P2RX7: variants seen among roughly 807,000 people sequenced by gnomAD.
P2RX7 encodes the protein purinergic receptor P2X 7, also known as P2X purinoceptor 7.
In P2RX7, 62 loss-of-function variants were observed where a neutral mutation model predicts 71.6. The ratio of observed to expected loss-of-function variants is 0.87; its 90% CI spans 0.71 to 1.07. The LOEUF is 1.07. Ranked by LOEUF, P2RX7 falls within the 50% of genes least tolerant of loss-of-function variation. The pLI is 0.00. For missense variants in P2RX7, 686 were observed against 748.5 expected (o/e 0.92, Z 0.97); for synonymous variants, 299 against 283.3 (o/e 1.06, Z -0.56).
At chr12:121,179,157 C>A (rs901902593) in intron 11 of P2RX7, among the ~76,000 whole-genome samples, 1 of 152,062 alleles carries the variant, frequency 6.6e-6, no homozygotes, top group East Asian at 1.9e-4. Context: ...AGGTCCTCTG[C>A]GTTCAACTCC....
chr12:121,166,332 A>T (rs208309), intron 7 of P2RX7, 145 bp downstream of exon 7: 230,621 of 801,612 alleles, frequency 0.29, 35,458 homozygotes, highest in South Asian at 0.34. Context: ...TACGCTAAGG[A>T]CTTTACCTAC....
intron 3 of P2RX7, among the ~76,000 whole-genome samples, chr12:121,159,440 A>G (rs796758564): frequency 2.1e-4 from 31 of 148,990 alleles, no homozygotes; most frequent in African/African-American, 7.6e-4. Context: ...AAAAAAAAAA[A>G]GACAAATCTG....
chr12:121,140,332 G>T (rs1874589861), intron 1 of P2RX7, among the ~76,000 whole-genome samples: 1 of 152,196 alleles, frequency 6.6e-6, no homozygotes, highest in African/African-American at 2.4e-5. Flanking sequence ...TTGATTTTCA[G>T]TGCATGGGAA....
At position 121,160,883 on chromosome 12, in the gene P2RX7, G is replaced by T. The variant is rs745474845; in HGVS notation, c.364-19G>T. On this transcript the variant is annotated intron_variant, in intron 3 of 12. Transcript: ENST00000328963. The stretch of plus-strand genomic sequence containing the variant: ...ACACACGTCACTTACTCCCCACTCT[G>T]TCATCCTTCTATCTGCAGTATCCCA... 1 of 1,601,086 alleles carries T rather than the reference G, an allele frequency of 6.2e-7. No homozygotes were observed. The highest frequency in any genetic ancestry group is 8.6e-7 in the Non-Finnish European group (1 of 1,168,150).
At position 121,177,183 on chromosome 12, in the gene P2RX7, A is replaced by G. The variant is rs201823575; in HGVS notation, c.1009A>G (p.Ile337Val). 1.1e-5 allele frequency: 18 copies of G among 1,614,114 alleles called. No homozygotes were observed. The highest frequency in any genetic ancestry group is 1.4e-5 in the Non-Finnish European group (16 of 1,180,056). Residue 337 changes from isoleucine (I) to valine (V), a missense_variant, in exon 10 of 13, where the codon ATC becomes GTC. By Grantham distance (29) the Ile-to-Val change is conservative. Coordinates refer to ENST00000328963, the MANE Select transcript of P2RX7 (RefSeq NM_002562.6). ...TGACATTATCCAGCTGGTTGTGTACATCGGCTCAACCCTCTCCTACTTCGG... is the reference window on the plus strand; with the variant it reads ...TGACATTATCCAGCTGGTTGTGTACGTCGGCTCAACCCTCTCCTACTTCGG... ...KFDIIQLVVYIGSTLSYFGLA... is the reference protein window; with the variant it reads ...KFDIIQLVVYVGSTLSYFGLA...
At chr12:121,175,276 A>C in intron 8 of P2RX7, 112 bp from the exon 9 acceptor site, 1 of 592,142 alleles carries the variant, frequency 1.7e-6, no homozygotes, top group Non-Finnish European at 3.0e-6. Context: ...CTGCTACTGC[A>C]CTCCAGCCTG....
chr12:121,158,441 G>A (rs764683270), intron 3 of P2RX7, among the ~76,000 whole-genome samples: 9 of 152,128 alleles, frequency 5.9e-5, no homozygotes, highest in South Asian at 2.1e-4. Flanking sequence ...AGGTCTGTCC[G>A]CATTGTCTCT....
rs1171595410 is a variant in P2RX7, at chr12:121,174,227, TAGTAGAGA to T, written c.882-1160_882-1153del. On this transcript the variant is annotated intron_variant, in intron 8 of 12. Transcript: ENST00000328963. ...CATGCACGGCTAATTTTTGTATTTT[TAGTAGAGA>T]TGGGGTTTCACCATGTTGTCCGGGC... 3.3e-5 allele frequency among the ~76,000 whole-genome samples: 5 copies of T among 152,010 alleles called. No homozygotes were observed. In the South Asian group the frequency reaches 8.3e-4, roughly 25 times the overall value.
intron 1 of P2RX7, among the ~76,000 whole-genome samples, chr12:121,150,691 C>G (rs946867878): frequency 2.6e-5 from 4 of 152,182 alleles, no homozygotes. Context: ...GGTGGATCAC[C>G]TGAGGTCAGG....
At chr12:121,181,340 C>T (rs546830049) in intron 12 of P2RX7, among the ~76,000 whole-genome samples, 1 of 152,294 alleles carries the variant, frequency 6.6e-6, no homozygotes, top group East Asian at 1.9e-4. Flanking sequence ...CAGTTTGGGG[C>T]TAATGCCAAT....
chr12:121,138,986 G>A (rs1342100767), intron 1 of P2RX7, among the ~76,000 whole-genome samples: 1 of 152,216 alleles, frequency 6.6e-6, no homozygotes, highest in African/African-American at 2.4e-5. Context: ...TGGTTACCGA[G>A]ACTGGAGTGC....
rs961504994 is a variant in P2RX7 at position 121,176,561 on chromosome 12, G to A, written c.973-586G>A. On this transcript the variant is annotated intron_variant, in intron 9 of 12. Coordinates refer to ENST00000328963, the MANE Select transcript of P2RX7 (RefSeq NM_002562.6). ...AGGTCAGGAGCTCAAGACCAGCCTG[G>A]CCAACATGGTGAAACCCTGTCTCTA... is the stretch of plus-strand genomic sequence containing the variant. 8.6e-5 allele frequency among the ~76,000 whole-genome samples: 13 copies of A among 152,022 alleles called. 1 individual carries two copies. Among genetic ancestry groups the A allele is most frequent in the Admixed American group, 6.6e-4 (10 of 15,242 alleles).
At chr12:121,165,475 C>G (rs1160436307) in intron 6 of P2RX7, 38 bp downstream of exon 6, 2 of 1,470,832 alleles carry the variant, frequency 1.4e-6, no homozygotes, top group Non-Finnish European at 1.9e-6. Flanking sequence ...TAGTTATCTA[C>G]TGCTGAGTAA....
At chr12:121,137,438 A>C (rs948105287) in intron 1 of P2RX7, among the ~76,000 whole-genome samples, 21 of 152,354 alleles carry the variant, frequency 1.4e-4, no homozygotes, top group Admixed American at 1.3e-3. Flanking sequence ...TAAGTGTTTA[A>C]AAGGCAATTT....
chr12:121,134,358 T>G (rs1319832303), intron 1 of P2RX7, among the ~76,000 whole-genome samples: 1 of 152,138 alleles, frequency 6.6e-6, no homozygotes, highest in Non-Finnish European at 1.5e-5. Flanking sequence ...CACCAACGCT[T>G]GTTATCGTCT....
intron 1 of P2RX7, among the ~76,000 whole-genome samples, chr12:121,151,965 C>T (rs1488878450): frequency 1.3e-5 from 2 of 152,088 alleles, no homozygotes; most frequent in Non-Finnish European, 2.9e-5. Flanking sequence ...GCAGGAGAAT[C>T]GCTTGAACTC....
chr12:121,184,702 T>C lies in P2RX7; in HGVS notation c.1688T>C (p.Met563Thr). Residue 563 changes from methionine to threonine, a missense_variant, in exon 13 of 13, where the codon ATG (methionine) becomes ACG (threonine). Physicochemically the swap from Met to Thr is moderately conservative, Grantham distance 81. Transcript: ENST00000328963. ...YATWRFGSQDMADFAILPSCC... is the reference protein window; with the variant it reads ...YATWRFGSQDTADFAILPSCC... The stretch of plus-strand genomic sequence containing the variant: ...ACCTGGCGCTTCGGCTCCCAGGACA[T>C]GGCTGACTTTGCCATCCTGCCCAGC... The C allele has an allele frequency of 6.4e-7, 1 of 1,567,282 alleles. No individual in the cohort carries two copies. The highest frequency in any genetic ancestry group is 8.7e-7 in the Non-Finnish European group (1 of 1,155,860).
intron 1 of P2RX7, among the ~76,000 whole-genome samples, chr12:121,144,915 G>T (rs1875806282): frequency 6.6e-6 from 1 of 152,176 alleles, no homozygotes; most frequent in East Asian, 1.9e-4. Context: ...GATAGGAAAT[G>T]CAGGAGAAAC....
intron 1 of P2RX7, among the ~76,000 whole-genome samples, chr12:121,150,559 T>C (rs960240445): frequency 1.1e-4 from 16 of 152,254 alleles, no homozygotes; most frequent in Admixed American, 9.8e-4. Flanking sequence ...TATGTGCTGA[T>C]TGGGTCTCAA....
Sources: gnomAD v4.1 joint callset for allele counts (sites outside exome capture counted in the v4.1 genomes callset) on GRCh38, gnomAD v4.1.1 for gene constraint, MANE v1.5 for transcripts, NCBI Gene and HGNC (gene_info 2026-07-23, HGNC 2026-07-21) for gene names.